ARSK: variants seen among roughly 807,000 people sequenced by gnomAD.
ARSK encodes the protein arylsulfatase family member K.
In ARSK, 37 loss-of-function variants were observed where a neutral mutation model predicts 53.2. That is an observed-to-expected ratio of 0.70 (90% CI 0.54 to 0.92). The LOEUF (loss-of-function observed/expected upper bound fraction) is 0.92, where lower values mean the gene tolerates loss of function less well. Ranked by LOEUF, ARSK falls within the 40% of genes least tolerant of loss-of-function variation. The pLI is 0.00. For synonymous variants in ARSK, 208 were observed against 223.2 expected (o/e 0.93, Z 0.61); for missense variants, 613 against 643.0 (o/e 0.95, Z 0.51).
chr5:95,562,845 G>C (rs1461662510), intron 1 of ARSK, among the ~76,000 whole-genome samples: 1 of 152,096 alleles, frequency 6.6e-6, no homozygotes, highest in Non-Finnish European at 1.5e-5. Context: ...AATTGAAATG[G>C]GCTATTAGTA....
intron 6 of ARSK, among the ~76,000 whole-genome samples, chr5:95,595,773 A>G (rs1363005518): frequency 1.3e-5 from 2 of 152,204 alleles, no homozygotes; most frequent in Non-Finnish European, 2.9e-5. Context: ...CCAAACCTCA[A>G]CATCAAGTAA....
chr5:95,587,762 C>T lies in ARSK; in HGVS notation c.871+1029C>T, dbSNP rs535919548. 5.3e-5 allele frequency among the ~76,000 whole-genome samples: 8 copies of T among 152,096 alleles called. No individual in the cohort carries two copies. In the East Asian group the frequency reaches 1.2e-3, roughly 22 times the overall value. ...TCTCTACTAAAATACAAAATTTAGCCGGGTGTGGTGGCACGCACGTGTGAT... is the reference window on the plus strand; with the variant it reads ...TCTCTACTAAAATACAAAATTTAGCTGGGTGTGGTGGCACGCACGTGTGAT... On this transcript the variant is annotated intron_variant, in intron 5 of 7. Transcript: ENST00000380009.
At chr5:95,565,195 A>C (rs547065461) in intron 1 of ARSK, among the ~76,000 whole-genome samples, 1 of 152,242 alleles carries the variant, frequency 6.6e-6, no homozygotes, top group African/African-American at 2.4e-5. Context: ...TCATCTCCAA[A>C]ATGCATATCT....
chr5:95,587,598 G>T (rs954077627), intron 5 of ARSK, among the ~76,000 whole-genome samples: 4 of 152,136 alleles, frequency 2.6e-5, no homozygotes, highest in Non-Finnish European at 5.9e-5. Flanking sequence ...TTATAATATA[G>T]CAAGTATAAA....
At chr5:95,575,651 C>T (rs1467308170) in intron 3 of ARSK, among the ~76,000 whole-genome samples, 1 of 152,118 alleles carries the variant, frequency 6.6e-6, no homozygotes, top group African/African-American at 2.4e-5. Context: ...TGAAGGATTA[C>T]TTCATGGGAT....
chr5:95,559,195 C>T (rs565084338), intron 1 of ARSK, among the ~76,000 whole-genome samples: 1 of 152,120 alleles, frequency 6.6e-6, no homozygotes, highest in African/African-American at 2.4e-5. Context: ...ACGAATACAT[C>T]ACAAGGAAAG....
intron 1 of ARSK, among the ~76,000 whole-genome samples, chr5:95,562,593 A>G (rs760871427): frequency 6.6e-6 from 1 of 152,254 alleles, no homozygotes; most frequent in Non-Finnish European, 1.5e-5. Context: ...AGTACAAGCC[A>G]TGGTTCAGAA....
In ARSK at chr5:95,605,017, G is replaced by A. The variant is rs933275559; in HGVS notation, c.*1491G>A. The A allele has an allele frequency of 5.3e-5, 8 of 152,316 alleles. No individual in the cohort carries two copies. The highest frequency in any genetic ancestry group is 1.9e-4 in the African/African-American group (8 of 41,576). The allele number at this position is 152,316 out of a possible 1,614,324, so 9.4% of individuals were successfully genotyped here. ...ATTTATGAATCTTTGTACACCATAAGTATATACAATTATGATTTGTCAATT... is the reference window on the plus strand; with the variant it reads ...ATTTATGAATCTTTGTACACCATAAATATATACAATTATGATTTGTCAATT... On this transcript the variant is annotated 3_prime_UTR_variant, in exon 8 of 8. Transcript: ENST00000380009.
intron 1 of ARSK, among the ~76,000 whole-genome samples, chr5:95,564,592 C>T (rs1478014879): frequency 1.3e-5 from 2 of 152,128 alleles, no homozygotes; most frequent in Non-Finnish European, 2.9e-5. Context: ...AGCTGTTCAT[C>T]TTTACCACGC....
At chr5:95,568,104 A>G in intron 3 of ARSK, 55 bp downstream of exon 3, 1 of 1,508,042 alleles carries the variant, frequency 6.6e-7, no homozygotes, top group Non-Finnish European at 8.9e-7. Flanking sequence ...TAGCGTGTAC[A>G]TGTACTCTTT....
At position 95,566,004 on chromosome 5, in the gene ARSK, A is replaced by G; in HGVS notation, c.133A>G (p.Arg45Gly). The G allele has an allele frequency of 6.2e-7, 1 of 1,609,090 alleles. No homozygotes were observed. Among genetic ancestry groups the G allele is most frequent in the Non-Finnish European group, 8.5e-7 (1 of 1,178,366 alleles). The change falls in exon 2 of 8, where the codon AGG (arginine) becomes GGG (glycine). Residue 45 changes from arginine to glycine, a missense_variant. Physicochemically the swap from Arg to Gly is moderately radical, Grantham distance 125 (BLOSUM62 -2). Transcript: ENST00000380009. ...TAAATTTCTTTATTTCCAGGATGGA[A>G]GGTTAACATTTCATCCAGGAAGTCA... ...VLVVSDSFDG[R>G]LTFHPGSQVV...
intron 6 of ARSK, among the ~76,000 whole-genome samples, chr5:95,595,175 A>G (rs564175448): frequency 1.0e-3 from 154 of 152,328 alleles, no homozygotes; most frequent in African/African-American, 3.4e-3. Context: ...TTAAAAAGTC[A>G]AAAAGCAACA....
At chr5:95,583,394 C>T (rs1749055406) in intron 4 of ARSK, among the ~76,000 whole-genome samples, 196 bp downstream of exon 4, 1 of 152,082 alleles carries the variant, frequency 6.6e-6, no homozygotes, top group South Asian at 2.1e-4. Context: ...AAGCCTGCTT[C>T]TGGATTGAAT....
chr5:95,578,717 G>T (rs1357979996), intron 3 of ARSK, among the ~76,000 whole-genome samples: 2 of 152,070 alleles, frequency 1.3e-5, no homozygotes, highest in African/African-American at 4.8e-5. Flanking sequence ...TTATGTTTAG[G>T]CTCCTACTTC....
At position 95,601,081 on chromosome 5, in the gene ARSK, T is replaced by C; in HGVS notation, c.1321+10T>C. The C allele has an allele frequency of 6.3e-7, 1 of 1,599,410 alleles. No individual in the cohort carries two copies. The highest frequency in any genetic ancestry group is 8.6e-7 in the Non-Finnish European group (1 of 1,166,830). ...TTGCCTCAACTCTTTGGTAAGTTTG[T>C]TAATATATTTTTAAGTGTAATATTA... On this transcript the variant is annotated intron_variant, in intron 7 of 7. Coordinates refer to ENST00000380009, the MANE Select transcript of ARSK (RefSeq NM_198150.3).
chr5:95,561,765 G>A (rs1748638927), intron 1 of ARSK, among the ~76,000 whole-genome samples: 1 of 152,194 alleles, frequency 6.6e-6, no homozygotes, highest in African/African-American at 2.4e-5. Context: ...GCTAAAGAGT[G>A]CAGAATGTCT....
At chr5:95,602,181 T>C (rs1749412313) in intron 7 of ARSK, among the ~76,000 whole-genome samples, 1 of 152,236 alleles carries the variant, frequency 6.6e-6, no homozygotes, top group South Asian at 2.1e-4. Context: ...CTGGGACTTT[T>C]TCATCAGCCT....
chr5:95,563,335 A>G (rs1428794325), intron 1 of ARSK, among the ~76,000 whole-genome samples: 3 of 152,232 alleles, frequency 2.0e-5, no homozygotes, highest in Non-Finnish European at 4.4e-5. Flanking sequence ...AATTTTGAGC[A>G]TAAATTTGTC....
At chr5:95,601,115 G>C (rs757455425) in intron 7 of ARSK, 44 bp downstream of exon 7, 15 of 1,487,544 alleles carry the variant, frequency 1.0e-5, no homozygotes, top group Non-Finnish European at 1.4e-5. Context: ...TATGTGTAAT[G>C]AACTGCCCTA....
Sources: gnomAD v4.1 joint callset for allele counts (sites outside exome capture counted in the v4.1 genomes callset) on GRCh38, gnomAD v4.1.1 for gene constraint, MANE v1.5 for transcripts, NCBI Gene and HGNC (gene_info 2026-07-23, HGNC 2026-07-21) for gene names.